The following PRPSAP2 variants were observed in gnomAD, a reference collection of about 807,000 sequenced individuals.
PRPSAP2 encodes the protein phosphoribosyl pyrophosphate synthetase associated protein 2.
Under a neutral mutation model 40.6 loss-of-function variants are expected in PRPSAP2, and 24 were observed. The ratio of observed to expected loss-of-function variants is 0.59; its 90% CI spans 0.43 to 0.83. The LOEUF is 0.83. PRPSAP2 is among the 40% of genes least tolerant of loss of function. The pLI, the probability that PRPSAP2 is intolerant of heterozygous loss-of-function variation, is 0.00. For missense variants in PRPSAP2, 292 were observed against 465.6 expected (o/e 0.63, Z 3.43); for synonymous variants, 149 against 164.7 (o/e 0.90, Z 0.73).
chr17:18,903,249 T>G (rs1326652345), intron 8 of PRPSAP2, among the ~76,000 whole-genome samples: 2 of 146,310 alleles, frequency 1.4e-5, no homozygotes, highest in African/African-American at 5.4e-5. Flanking sequence ...GAGGCGGAGG[T>G]TGCGGTGAGC....
At chr17:18,904,409 C>T (rs1323254628) in intron 8 of PRPSAP2, 1 of 152,168 alleles carries the variant, frequency 6.6e-6, no homozygotes, top group African/African-American at 2.4e-5. Context: ...CGTGCGCCAC[C>T]ATGCCCAGCT....
chr17:18,923,253 C>T (rs910259316), intron 9 of PRPSAP2, among the ~76,000 whole-genome samples: 21 of 136,362 alleles, frequency 1.5e-4, no homozygotes, highest in Non-Finnish European at 2.5e-4. Context: ...GCACACTTGG[C>T]TAATTTTTTT....
intron 4 of PRPSAP2, among the ~76,000 whole-genome samples, chr17:18,868,746 A>C (rs2166182): frequency 6.7e-6 from 1 of 149,462 alleles, no homozygotes; most frequent in Non-Finnish European, 1.5e-5. Flanking sequence ...TTGGTAGAAC[A>C]AGGGTCTCAT....
chr17:18,930,571 T>C lies in PRPSAP2; in HGVS notation c.983T>C (p.Val328Ala). The part of the protein sequence containing the change: ...VVVTNTIPHE[V>A]QKLQCPKIKT... Reference sequence around the variant, plus strand: ...GTCACCAATACAATTCCACATGAAGTCCAGAAGCTCCAGTGCCCCAAGATT... The same window carrying C: ...GTCACCAATACAATTCCACATGAAGCCCAGAAGCTCCAGTGCCCCAAGATT... Residue 328 changes from valine to alanine, a missense_variant, in exon 12 of 12, where the codon GTC (valine) becomes GCC (alanine). Around this residue, in one of 2 missense-constraint regions of PRPSAP2, gnomAD observed 241 missense variants for 425.7 expected, o/e 0.57. Coordinates refer to ENST00000268835, the MANE Select transcript of PRPSAP2 (RefSeq NM_002767.4). 6.2e-7 allele frequency: 1 copy of C among 1,613,832 alleles called. No homozygotes were observed.
intron 5 of PRPSAP2, among the ~76,000 whole-genome samples, chr17:18,875,174 C>T (rs932353041): frequency 8.5e-5 from 13 of 152,186 alleles, no homozygotes; most frequent in African/African-American, 3.1e-4. Context: ...TTGTTCCATA[C>T]CTGACATAAG....
intron 8 of PRPSAP2, among the ~76,000 whole-genome samples, chr17:18,890,956 G>A (rs2039509636): frequency 6.6e-6 from 1 of 152,156 alleles, no homozygotes; most frequent in African/African-American, 2.4e-5. Flanking sequence ...TGTCACTATT[G>A]CATACTTAAA....
intron 7 of PRPSAP2, 130 bp downstream of exon 7, chr17:18,882,813 G>A (rs1186075979): frequency 1.6e-6 from 1 of 620,112 alleles, no homozygotes; most frequent in Non-Finnish European, 2.8e-6. Context: ...ATACTTTATA[G>A]CTATAATCCA....
At position 18,911,719 on chromosome 17, in the gene PRPSAP2, C is replaced by T. The variant is rs771434399; in HGVS notation, c.733+468C>T. 6.6e-6 allele frequency among the ~76,000 whole-genome samples: 1 copy of T among 151,998 alleles called. No homozygotes were observed. Among genetic ancestry groups the T allele is most frequent in the Non-Finnish European group, 1.5e-5 (1 of 68,020 alleles). ...TGAAATAATCAAGACTATCTGGAAA[C>T]GAGAAAAATATATGGAATATATATG... On this transcript the variant is annotated intron_variant, in intron 9 of 11. Coordinates refer to ENST00000268835, the MANE Select transcript of PRPSAP2 (RefSeq NM_002767.4). This position sits in a 1 kb window ranked among gnomAD's most constrained non-coding sequence, Gnocchi z 4.5.
intron 11 of PRPSAP2, among the ~76,000 whole-genome samples, 171 bp from the exon 12 acceptor site, chr17:18,930,369 G>A (rs1047819442): frequency 5.3e-5 from 8 of 152,126 alleles, no homozygotes; most frequent in African/African-American, 7.2e-5. Context: ...GCAAGACTCC[G>A]TCTAAAAATA....
intron 10 of PRPSAP2, among the ~76,000 whole-genome samples, chr17:18,925,309 C>T (rs1243452542): frequency 6.6e-6 from 1 of 152,218 alleles, no homozygotes; most frequent in Non-Finnish European, 1.5e-5. Context: ...TAGAGGCCTC[C>T]TCTGGGCTTA....
In PRPSAP2 at chr17:18,903,208, TCC is replaced by T. The variant is rs2151943164; in HGVS notation, c.585-7894_585-7893del. Among the ~76,000 whole-genome samples, 436 of 141,730 alleles carry T rather than the reference TCC, an allele frequency of 3.1e-3. 14 individuals carry two copies. The highest frequency in any genetic ancestry group is 0.012 in the African/African-American group (417 of 36,220). The allele number at this position is 141,730 out of a possible 152,430, so 93.0% of individuals were successfully genotyped here. On this transcript the variant is annotated intron_variant, in intron 8 of 11. Transcript: ENST00000268835. ...TTTGGGAGGCCGAGATGGGTGGATC[TCC>T]TGAGGTCAGGAGAATTGCTTGAACC...
chr17:18,867,832 G>A (rs9912713), intron 4 of PRPSAP2, among the ~76,000 whole-genome samples: 81,379 of 151,974 alleles, frequency 0.54, 22,097 homozygotes, highest in Middle Eastern at 0.6. Flanking sequence ...GTTGTAAAAA[G>A]AAGTGTTATT....
chr17:18,868,470 C>T (rs1395388571), intron 4 of PRPSAP2, among the ~76,000 whole-genome samples: 1 of 148,754 alleles, frequency 6.7e-6, no homozygotes, highest in African/African-American at 2.5e-5. Flanking sequence ...AAGAGCGAGA[C>T]TTTGTCTCAG....
At chr17:18,926,985 T>TGA (rs2042014674) in intron 10 of PRPSAP2, among the ~76,000 whole-genome samples, 1 of 152,196 alleles carries the variant, frequency 6.6e-6, no homozygotes, top group African/African-American at 2.4e-5. Context: ...CTGTAACACC[T>TGA]GAGACTAGGT....
intron 4 of PRPSAP2, 51 bp downstream of exon 4, chr17:18,867,385 T>C (rs1597523667): frequency 4.5e-6 from 7 of 1,570,930 alleles, no homozygotes; most frequent in Middle Eastern, 1.7e-4. Context: ...AAATGTGGCA[T>C]ATTGGCTCCG....
At position 18,861,612 on chromosome 17, in the gene PRPSAP2, G is replaced by C. The variant is rs906829085; in HGVS notation, c.-129+3351G>C. The C allele has an allele frequency of 3.3e-5, 5 of 152,294 alleles. No individual in the cohort carries two copies. The East Asian group carries it at 7.7e-4, about 23-fold the overall frequency. The allele number at this position is 152,294 out of a possible 1,614,324, so 9.4% of individuals were successfully genotyped here. A position where few individuals can be genotyped will look rare whatever the true frequency, so the allele number is the denominator to read the frequency against. On this transcript the variant is annotated intron_variant, in intron 1 of 11. Transcript: ENST00000268835. ...ACTCCACCATGTCATTTTGAGGGTG[G>C]TCTTAGGTTAGGATTCTATATAGAA...
At chr17:18,902,835 C>T (rs1235413065) in intron 8 of PRPSAP2, among the ~76,000 whole-genome samples, 1 of 138,318 alleles carries the variant, frequency 7.2e-6, no homozygotes, top group Non-Finnish European at 1.5e-5. Flanking sequence ...CGCCATTGTA[C>T]TCCAGCCTGG....
chr17:18,887,935 G>A (rs2039284384), intron 7 of PRPSAP2, among the ~76,000 whole-genome samples: 1 of 33,042 alleles, frequency 3.0e-5, no homozygotes, highest in Non-Finnish European at 7.3e-5. Context: ...TGGAGGGAAG[G>A]TCAGCAGATA....
chr17:18,861,434 A>C (rs1217730366), intron 1 of PRPSAP2: 2 of 151,838 alleles, frequency 1.3e-5, no homozygotes, highest in African/African-American at 4.9e-5. Flanking sequence ...ATTGCTCTCC[A>C]GCCTGGGCAA....
Sources: gnomAD v4.1 joint callset for allele counts (sites outside exome capture counted in the v4.1 genomes callset) on GRCh38, gnomAD v4.1.1 for gene constraint, gnomAD v4.1.1 regional missense constraint, Gnocchi (gnomAD v3.1) non-coding constraint, MANE v1.5 for transcripts, NCBI Gene and HGNC (gene_info 2026-07-23, HGNC 2026-07-21) for gene names.